NSMCE2: variants seen among roughly 807,000 people sequenced by gnomAD.
NSMCE2 encodes E3 SUMO-protein ligase NSE2.
Under a neutral mutation model 23.8 loss-of-function variants are expected in NSMCE2, and 24 were observed. The observed-to-expected ratio is 1.01, with a 90% CI of 0.73 to 1.42. The LOEUF (loss-of-function observed/expected upper bound fraction) is 1.42, where lower values mean the gene tolerates loss of function less well. Among genes scored for constraint, NSMCE2 ranks in the 40% most tolerant of loss-of-function variants. NSMCE2 has a pLI of 0.00. For synonymous variants in NSMCE2, 92 were observed against 94.1 expected (o/e 0.98, Z 0.13); for missense variants, 284 against 296.5 (o/e 0.96, Z 0.31).
At chr8:125,250,222 T>C (rs548119589) in intron 5 of NSMCE2, among the ~76,000 whole-genome samples, 1 of 152,300 alleles carries the variant, frequency 6.6e-6, no homozygotes, top group Non-Finnish European at 1.5e-5. Context: ...ACTCCTGACC[T>C]TGGGTGATCC....
chr8:125,239,250 AACTC>A (rs1337789818), intron 5 of NSMCE2, among the ~76,000 whole-genome samples: 2 of 152,134 alleles, frequency 1.3e-5, no homozygotes, highest in Non-Finnish European at 2.9e-5. Flanking sequence ...TTTGAGAAGA[AACTC>A]ACAGTATTTG....
intron 5 of NSMCE2, among the ~76,000 whole-genome samples, chr8:125,350,473 C>T (rs1312118281): frequency 6.6e-6 from 1 of 152,112 alleles, no homozygotes; most frequent in East Asian, 1.9e-4. Context: ...GACAACTGAG[C>T]AGAGAGGTTG....
chr8:125,354,425 C>T (rs1586812183), intron 5 of NSMCE2, among the ~76,000 whole-genome samples: 2 of 152,084 alleles, frequency 1.3e-5, no homozygotes, highest in South Asian at 4.1e-4. Flanking sequence ...TTTCGATTAC[C>T]GGATCAACAA....
intron 5 of NSMCE2, among the ~76,000 whole-genome samples, chr8:125,207,347 A>T (rs891517343): frequency 1.3e-5 from 2 of 152,216 alleles, no homozygotes; most frequent in Non-Finnish European, 2.9e-5. Context: ...ACATAAAGTG[A>T]TATAAATGAG....
At chr8:125,269,010 C>G (rs1827062905) in intron 5 of NSMCE2, among the ~76,000 whole-genome samples, 1 of 152,152 alleles carries the variant, frequency 6.6e-6, no homozygotes, top group Non-Finnish European at 1.5e-5. Context: ...TTTTATTCCA[C>G]AAAATATGAA....
intron 4 of NSMCE2, among the ~76,000 whole-genome samples, chr8:125,181,815 T>C (rs1822830003): frequency 6.6e-6 from 1 of 152,150 alleles, no homozygotes; most frequent in South Asian, 2.1e-4. Flanking sequence ...ACATTTGTGA[T>C]TTTCCCTGGC....
intron 5 of NSMCE2, among the ~76,000 whole-genome samples, chr8:125,257,444 A>G (rs541796971): frequency 9.9e-5 from 15 of 151,984 alleles, no homozygotes; most frequent in African/African-American, 3.6e-4. Context: ...TGTCAAATGT[A>G]AACAGTCAGT....
At chr8:125,106,071 C>CAT (rs1818444845) in intron 3 of NSMCE2, among the ~76,000 whole-genome samples, 1 of 151,308 alleles carries the variant, frequency 6.6e-6, no homozygotes, top group African/African-American at 2.4e-5. Flanking sequence ...CACACACACA[C>CAT]ATTTTAACTA....
chr8:125,106,833 TA>T lies in NSMCE2; in HGVS notation c.157+4351del, dbSNP rs1367747523. On this transcript the variant is annotated intron_variant, in intron 3 of 7. Coordinates refer to ENST00000287437, the MANE Select transcript of NSMCE2 (RefSeq NM_173685.4). ...TAACATGACGAAAACCTGTCTCTAC[TA>T]AAAATACAAAAATTACCTGAGCGTG... 7.3e-5 allele frequency among the ~76,000 whole-genome samples: 11 copies of T among 150,750 alleles called. No homozygotes were observed. The East Asian group carries it at 2.2e-3, about 30-fold the overall frequency.
At chr8:125,246,563 G>A (rs1420692296) in intron 5 of NSMCE2, among the ~76,000 whole-genome samples, 2 of 152,086 alleles carry the variant, frequency 1.3e-5, no homozygotes, top group Non-Finnish European at 2.9e-5. Flanking sequence ...AGAATTTAAA[G>A]AAAGACTCCT....
At chr8:125,180,379 A>G (rs1822743783) in intron 4 of NSMCE2, among the ~76,000 whole-genome samples, 1 of 152,228 alleles carries the variant, frequency 6.6e-6, no homozygotes. Context: ...CAATACAAGA[A>G]GACAGTCCGT....
chr8:125,119,827 T>G (rs375705941), intron 3 of NSMCE2, among the ~76,000 whole-genome samples: 1 of 152,268 alleles, frequency 6.6e-6, no homozygotes. Context: ...CCAGACCTAT[T>G]TTTTCTCCCT....
At chr8:125,103,202 A>G (rs935246428) in intron 3 of NSMCE2, among the ~76,000 whole-genome samples, 8 of 152,040 alleles carry the variant, frequency 5.3e-5, no homozygotes, top group Non-Finnish European at 1.0e-4. Flanking sequence ...GCTACTCGGG[A>G]GGCTGAGACA....
At chr8:125,119,836 C>T (rs866343981) in intron 3 of NSMCE2, among the ~76,000 whole-genome samples, 1 of 151,926 alleles carries the variant, frequency 6.6e-6, no homozygotes, top group Non-Finnish European at 1.5e-5. Context: ...TTTTTTCTCC[C>T]TCTTCTTTCT....
rs147788194 is a variant in NSMCE2 at position 125,326,475 on chromosome 8, CTG to C, written c.419-30738_419-30737del. On this transcript the variant is annotated intron_variant, in intron 5 of 7. Coordinates refer to ENST00000287437, the MANE Select transcript of NSMCE2 (RefSeq NM_173685.4). ...TGTATATATAGTTTGTGTATATACACTGTGTGTATGTGAGGGATTTCTTGAGC... is the reference window on the plus strand; with the variant it reads ...TGTATATATAGTTTGTGTATATACACTGTGTATGTGAGGGATTTCTTGAGC... Among the ~76,000 whole-genome samples, 1,516 of 152,062 alleles carry C rather than the reference CTG, an allele frequency of 1.0e-2. 18 individuals carry two copies. The highest frequency in any genetic ancestry group is 0.035 in the African/African-American group (1,455 of 41,442).
intron 4 of NSMCE2, among the ~76,000 whole-genome samples, chr8:125,161,085 A>G (rs990690150): frequency 1.3e-5 from 2 of 152,180 alleles, no homozygotes; most frequent in African/African-American, 4.8e-5. Context: ...GTGAGTTTGC[A>G]ACTGTGCTGG....
rs530251310 is a variant in NSMCE2 at position 125,243,641 on chromosome 8, AATT to A, written c.418+61391_418+61393del. ...TTCACTCTTAAACATATTCTAACAA[AATT>A]ATTATATTTTAAGGAATTATAAGAA... On this transcript the variant is annotated intron_variant, in intron 5 of 7. Transcript: ENST00000287437. Among the ~76,000 whole-genome samples the A allele has an allele frequency of 1.2e-3, 180 of 152,266 alleles. 2 individuals are homozygous for A. The highest frequency in any genetic ancestry group is 4.0e-3 in the African/African-American group (168 of 41,558).
intron 5 of NSMCE2, among the ~76,000 whole-genome samples, chr8:125,243,929 T>C (rs1825857883): frequency 6.6e-6 from 1 of 152,206 alleles, no homozygotes; most frequent in African/African-American, 2.4e-5. Context: ...ATATCCCACT[T>C]CTGTATAAAT....
intron 5 of NSMCE2, among the ~76,000 whole-genome samples, chr8:125,239,150 G>A (rs1466633119): frequency 6.6e-6 from 1 of 152,158 alleles, no homozygotes; most frequent in East Asian, 1.9e-4. Flanking sequence ...CACTCTGGAT[G>A]TAAGATCAGT....
Sources: allele counts gnomAD v4.1 joint callset (sites outside exome capture counted in the v4.1 genomes callset), GRCh38; gene constraint gnomAD v4.1.1; transcripts MANE v1.5; gene names NCBI Gene and HGNC (gene_info 2026-07-23, HGNC 2026-07-21).